The following RABEP1 variants were observed in gnomAD, a reference collection of about 807,000 sequenced individuals.
The protein encoded by RABEP1 is rab GTPase-binding effector protein 1.
A neutral mutation model predicts 123.4 loss-of-function variants in RABEP1; 51 were observed. The observed-to-expected ratio is 0.41, with a 90% confidence interval of 0.33 to 0.52. RABEP1 has a LOEUF of 0.52. RABEP1 is among the 20% of genes least tolerant of loss of function. RABEP1 has a pLI of 0.16. For synonymous variants in RABEP1, 347 were observed against 355.2 expected, an observed-to-expected ratio of 0.98 and a Z score of 0.26; for missense variants, 888 against 996.3, an observed-to-expected ratio of 0.89 and a Z score of 1.46.
At chr17:5,328,643 G>GT (rs1320498513) in intron 2 of RABEP1, among the ~76,000 whole-genome samples, 2 of 82,000 alleles carry the variant, frequency 2.4e-5, no homozygotes, top group African/African-American at 1.1e-4. Flanking sequence ...GAGACGCTGT[G>GT]TTAAAAAAAA....
chr17:5,324,687 T>G (rs985422844), intron 2 of RABEP1, among the ~76,000 whole-genome samples: 3 of 152,192 alleles, frequency 2.0e-5, no homozygotes, highest in Non-Finnish European at 4.4e-5. Context: ...GATTAATAAC[T>G]ACAATGTATG....
At chr17:5,375,519 C>G (rs953684056) in intron 13 of RABEP1, among the ~76,000 whole-genome samples, 7 of 151,984 alleles carry the variant, frequency 4.6e-5, no homozygotes, top group Admixed American at 2.0e-4. Flanking sequence ...TGGCAAAACC[C>G]CGATGCTACT....
At position 5,322,132 on chromosome 17, in the gene RABEP1, G is replaced by A. The variant is rs551907533; in HGVS notation, c.164-9817G>A. Among the ~76,000 whole-genome samples, 23 of 152,134 alleles carry A rather than the reference G, an allele frequency of 1.5e-4. No homozygotes were observed. In the East Asian group the frequency reaches 2.9e-3, roughly 19 times the overall value. On this transcript the variant is annotated intron_variant, in intron 2 of 17. Transcript: ENST00000537505. ...GGAGAACCGCTTGAACCCAGAGGGC[G>A]GAGGTTGCAGTGAGCTGAGATTGCG... is the stretch of plus-strand genomic sequence containing the variant.
intron 2 of RABEP1, among the ~76,000 whole-genome samples, chr17:5,321,330 C>T (rs150269017): frequency 1.4e-3 from 219 of 152,262 alleles, no homozygotes; most frequent in African/African-American, 4.8e-3. Context: ...GTAGTCCCAG[C>T]TACTTGGAAG....
At chr17:5,358,806 G>T (rs527431159) in intron 8 of RABEP1, among the ~76,000 whole-genome samples, 1 of 152,270 alleles carries the variant, frequency 6.6e-6, no homozygotes, top group Admixed American at 6.5e-5. Context: ...ACCCAGGCTG[G>T]CTAGAGTACA....
Position 5,294,633 on chromosome 17 carries a change from C to CTTTTTTTTTTTTTTT in RABEP1, c.34+12131_34+12145dup, listed in dbSNP as rs1185209680. ...AGATACTGAGGGAAAACGGTATTGTCTTTTTTTTTTTTTTTTTTTTTTTTT... is the reference window on the plus strand; with the variant it reads ...AGATACTGAGGGAAAACGGTATTGTCTTTTTTTTTTTTTTTTTTTTTTTTTTTTTTTTTTTTTTTT... On this transcript the variant is annotated intron_variant, in intron 1 of 17. Coordinates refer to ENST00000537505, the MANE Select transcript of RABEP1 (RefSeq NM_004703.6). 6.4e-4 allele frequency among the ~76,000 whole-genome samples: 34 copies of CTTTTTTTTTTTTTTT among 53,024 alleles called. 12 individuals carry two copies. Among genetic ancestry groups the CTTTTTTTTTTTTTTT allele is most frequent in the Non-Finnish European group, 8.9e-4 (26 of 29,084 alleles). 34.8% of individuals were successfully genotyped at this position (53,024 alleles called of 152,430 possible). A position where few individuals can be genotyped will look rare whatever the true frequency, so the allele number is the denominator to read the frequency against.
chr17:5,289,679 AG>A (rs1196338412), intron 1 of RABEP1, among the ~76,000 whole-genome samples: 4 of 152,194 alleles, frequency 2.6e-5, no homozygotes, highest in African/African-American at 9.6e-5. Flanking sequence ...AGTAGACATA[AG>A]GAACAGTCTC....
intron 7 of RABEP1, among the ~76,000 whole-genome samples, 195 bp downstream of exon 7, chr17:5,350,824 G>T (rs561372574): frequency 6.6e-6 from 1 of 152,078 alleles, no homozygotes; most frequent in Non-Finnish European, 1.5e-5. Flanking sequence ...CCTCCTCTCG[G>T]GGGTGGGGAA....
intron 2 of RABEP1, among the ~76,000 whole-genome samples, chr17:5,324,007 A>G (rs756481371): frequency 3.3e-5 from 5 of 151,818 alleles, no homozygotes; most frequent in South Asian, 2.1e-4. Context: ...TGAAATGACA[A>G]TACTATCCAA....
At position 5,354,351 on chromosome 17, in the gene RABEP1, C is replaced by T. The variant is rs1240373093; in HGVS notation, c.964-8C>T. On this transcript the variant is annotated splice_region_variant and splice_polypyrimidine_tract_variant and intron_variant, in intron 7 of 17. Transcript: ENST00000537505. ...TGGGTCATATATATGTTTTTTTCTT[C>T]CTTTTAGGAGGATGATGAACAACAA... The T allele has an allele frequency of 5.0e-6, 8 of 1,597,738 alleles. No individual in the cohort carries two copies. Among genetic ancestry groups the T allele is most frequent in the African/African-American group, 1.4e-5 (1 of 73,826 alleles).
chr17:5,325,629 T>C (rs892479813), intron 2 of RABEP1, among the ~76,000 whole-genome samples: 1 of 151,976 alleles, frequency 6.6e-6, no homozygotes, highest in Non-Finnish European at 1.5e-5. Context: ...GTGACTCTTG[T>C]TTACAGTAAT....
At position 5,385,096 on chromosome 17, in the gene RABEP1, T is replaced by C. The variant is rs1439588717; in HGVS notation, c.*1873T>C. 1 of 229,568 alleles carries C rather than the reference T, an allele frequency of 4.4e-6. No homozygotes were observed. The highest frequency in any genetic ancestry group is 1.3e-3 in the Middle Eastern group (1 of 770). 14.2% of individuals were successfully genotyped at this position (229,568 alleles called of 1,614,324 possible). On this transcript the variant is annotated 3_prime_UTR_variant, in exon 18 of 18. Transcript: ENST00000537505. ...TAATAAAATCATCACAATTAGGGAA[T>C]GGTTAGTGGTCTCTACTGTGGCAAA...
chr17:5,323,888 A>ATATATATATCT, intron 2 of RABEP1, among the ~76,000 whole-genome samples: 1 of 146,344 alleles, frequency 6.8e-6, no homozygotes. Context: ...GAATCAATTT[A>ATATATATATCT]ACCAAAGAAG....
chr17:5,304,051 T>C (rs976163320), intron 1 of RABEP1, among the ~76,000 whole-genome samples: 1 of 150,578 alleles, frequency 6.6e-6, no homozygotes, highest in Non-Finnish European at 1.5e-5. Context: ...AAAAAATAAA[T>C]AAAAATTTAT....
chr17:5,375,280 C>T (rs568453667), intron 13 of RABEP1, among the ~76,000 whole-genome samples: 1 of 152,148 alleles, frequency 6.6e-6, no homozygotes, highest in African/African-American at 2.4e-5. Flanking sequence ...GCCTATCTTG[C>T]CATTAGCTCT....
chr17:5,330,020 A>C (rs541035299), intron 2 of RABEP1, among the ~76,000 whole-genome samples: 3 of 152,142 alleles, frequency 2.0e-5, no homozygotes. Context: ...GGTAATTAGC[A>C]TGAGGACCTG....
intron 3 of RABEP1, among the ~76,000 whole-genome samples, chr17:5,334,338 TC>T (rs1304368118): frequency 1.3e-5 from 2 of 152,054 alleles, no homozygotes; most frequent in East Asian, 3.9e-4. Context: ...TTCACGTGAT[TC>T]TCCTGCCTCA....
At chr17:5,379,035 C>T (rs1911230189) in intron 15 of RABEP1, among the ~76,000 whole-genome samples, 2 of 152,184 alleles carry the variant, frequency 1.3e-5, no homozygotes, top group Non-Finnish European at 2.9e-5. Flanking sequence ...GGTGACACTG[C>T]ATGCTCAAGC....
rs1389129187 is a variant in RABEP1 at position 5,332,003 on chromosome 17, A to G, written c.218A>G (p.His73Arg). Residue 73 changes from histidine (H) to arginine (R), a missense_variant, in exon 3 of 18, where the codon CAC becomes CGC. Coordinates refer to ENST00000537505, the MANE Select transcript of RABEP1 (RefSeq NM_004703.6). ...CAAGCTGCACAAGATGATTTGGGACACCTTCGAACCCAGCTGTGGGAAGCT... is the reference window on the plus strand; with the variant it reads ...CAAGCTGCACAAGATGATTTGGGACGCCTTCGAACCCAGCTGTGGGAAGCT... ...VLQAAQDDLG[H>R]LRTQLWEAQA... 6.2e-7 allele frequency: 1 copy of G among 1,614,070 alleles called. No homozygotes were observed. Among genetic ancestry groups the G allele is most frequent in the Non-Finnish European group, 8.5e-7 (1 of 1,179,990 alleles).
Sources: allele counts gnomAD v4.1 joint callset (sites outside exome capture counted in the v4.1 genomes callset), GRCh38; gene constraint gnomAD v4.1.1; transcripts MANE v1.5; gene names NCBI Gene and HGNC (gene_info 2026-07-23, HGNC 2026-07-21).